FKTN: variants seen among roughly 807,000 people sequenced by gnomAD.
The protein encoded by FKTN is ribitol-5-phosphate transferase FKTN.
Under a neutral mutation model 58.6 loss-of-function variants are expected in FKTN, and 47 were observed. The observed-to-expected ratio is 0.80, with a 90% CI of 0.63 to 1.02. The LOEUF is 1.02. Among genes scored for constraint, FKTN ranks in the 50% least tolerant of loss-of-function variants. The pLI is 0.00. For missense variants in FKTN, 516 were observed against 537.3 expected (o/e 0.96, Z 0.39); for synonymous variants, 178 against 191.9 (o/e 0.93, Z 0.60).
intron 3 of FKTN, among the ~76,000 whole-genome samples, chr9:105,590,728 G>A (rs973611862): frequency 1.3e-5 from 2 of 152,144 alleles, no homozygotes; most frequent in Non-Finnish European, 2.9e-5. Context: ...TTTTTTGTAC[G>A]TGTTAAGTTT....
At chr9:105,599,849 G>C (rs542566521) in intron 4 of FKTN, among the ~76,000 whole-genome samples, 7 of 152,104 alleles carry the variant, frequency 4.6e-5, no homozygotes, top group African/African-American at 1.4e-4. Flanking sequence ...ATTTTCTCCT[G>C]CTCCATTTTC....
At chr9:105,619,170 A>G (rs1054733567) in intron 9 of FKTN, among the ~76,000 whole-genome samples, 3 of 152,202 alleles carry the variant, frequency 2.0e-5, no homozygotes, top group African/African-American at 7.2e-5. Flanking sequence ...TCAAAGTCAA[A>G]TAACAGAGCT....
At chr9:105,582,907 T>C (rs1296968972) in intron 3 of FKTN, among the ~76,000 whole-genome samples, 1 of 152,176 alleles carries the variant, frequency 6.6e-6, no homozygotes, top group East Asian at 1.9e-4. Flanking sequence ...CTTAAACAAA[T>C]AGAGGAATTA....
chr9:105,633,242 G>A (rs1457293003), intron 10 of FKTN: 8 of 152,170 alleles, frequency 5.3e-5, no homozygotes. Context: ...TATTTAAAAT[G>A]TTTTGGCTTT....
At chr9:105,622,221 T>C (rs1199242668) in intron 10 of FKTN, among the ~76,000 whole-genome samples, 1 of 152,080 alleles carries the variant, frequency 6.6e-6, no homozygotes, top group Non-Finnish European at 1.5e-5. Flanking sequence ...GTCAGTATAA[T>C]GTATCATCTC....
At position 105,615,318 on chromosome 9, in the gene FKTN, G is replaced by C. The variant is rs767503045; in HGVS notation, c.821G>C (p.Arg274Pro). 2 of 1,613,774 alleles carry C rather than the reference G, an allele frequency of 1.2e-6. No individual in the cohort carries two copies. The highest frequency in any genetic ancestry group is 4.5e-5 in the East Asian group (2 of 44,874). Residue 274 changes from arginine (R) to proline (P), a missense_variant, in exon 8 of 11, where the codon CGG becomes CCG. Arg to Pro is a moderately radical substitution (Grantham distance 103, BLOSUM62 -2). Coordinates refer to ENST00000357998, the MANE Select transcript of FKTN (RefSeq NM_001079802.2). ...AACACTGTGGAAGCTGTGGCCTTTCGGAAGAGTGCAAAGGAATTACTGCAA... is the reference window on the plus strand; with the variant it reads ...AACACTGTGGAAGCTGTGGCCTTTCCGAAGAGTGCAAAGGAATTACTGCAA... The part of the protein sequence containing the change: ...DDNTVEAVAF[R>P]KSAKELLQLA...
chr9:105,567,455 G>A (rs989127757), intron 1 of FKTN, among the ~76,000 whole-genome samples: 44 of 152,254 alleles, frequency 2.9e-4, no homozygotes, highest in African/African-American at 8.9e-4. Context: ...CAAAGTCTCA[G>A]GATACAAAAT....
chr9:105,627,068 G>T (rs576037876), intron 10 of FKTN, among the ~76,000 whole-genome samples: 1 of 150,620 alleles, frequency 6.6e-6, no homozygotes, highest in Non-Finnish European at 1.5e-5. Context: ...CACCTCCCAG[G>T]TTCAAGCAGT....
At chr9:105,613,403 A>C (rs541597370) in intron 7 of FKTN, among the ~76,000 whole-genome samples, 1 of 152,364 alleles carries the variant, frequency 6.6e-6, no homozygotes, top group African/African-American at 2.4e-5. Flanking sequence ...ACTTATCTGC[A>C]AGAAATTCTT....
rs1359728513 is a variant in FKTN at position 105,640,624 on chromosome 9, CT to C, written c.*5361del. 2.6e-5 allele frequency: 4 copies of C among 152,298 alleles called. No homozygotes were observed. The highest frequency in any genetic ancestry group is 9.7e-5 in the African/African-American group (4 of 41,400). The allele number at this position is 152,298 out of a possible 1,614,324, so 9.4% of individuals were successfully genotyped here. The stretch of plus-strand genomic sequence containing the variant: ...CAAAACTTCTACCCTAGAATACCCC[CT>C]GGCACCTTCTAACCCAACCTAATAC... On this transcript the variant is annotated 3_prime_UTR_variant, in exon 11 of 11. Coordinates refer to ENST00000357998, the MANE Select transcript of FKTN (RefSeq NM_001079802.2).
In FKTN at chr9:105,636,808, T is replaced by C; in HGVS notation, c.*1544T>C. ...CTGAATGTCTGAGGGAATGGGCTGGTAGACTTTTTCGAAAACAAATTAGAG... is the reference window on the plus strand; with the variant it reads ...CTGAATGTCTGAGGGAATGGGCTGGCAGACTTTTTCGAAAACAAATTAGAG... On this transcript the variant is annotated 3_prime_UTR_variant, in exon 11 of 11. Coordinates refer to ENST00000357998, the MANE Select transcript of FKTN (RefSeq NM_001079802.2). 8.2e-7 allele frequency: 1 copy of C among 1,224,922 alleles called. No individual in the cohort carries two copies. 75.9% of individuals were successfully genotyped at this position (1,224,922 alleles called of 1,614,324 possible). A position where few individuals can be genotyped will look rare whatever the true frequency, so the allele number is the denominator to read the frequency against.
At chr9:105,620,438 T>C (rs1364634586) in intron 10 of FKTN, among the ~76,000 whole-genome samples, 1 of 152,170 alleles carries the variant, frequency 6.6e-6, no homozygotes, top group Admixed American at 6.6e-5. Flanking sequence ...ATTTTATCCA[T>C]TACATTGAGT....
At chr9:105,575,339 T>A (rs1483511764) in intron 3 of FKTN, among the ~76,000 whole-genome samples, 1 of 152,252 alleles carries the variant, frequency 6.6e-6, no homozygotes, top group Non-Finnish European at 1.5e-5. Flanking sequence ...CAAGGATGTT[T>A]AATCTATTGG....
chr9:105,577,172 A>T (rs1841894190), intron 3 of FKTN, among the ~76,000 whole-genome samples: 1 of 150,352 alleles, frequency 6.7e-6, no homozygotes, highest in East Asian at 1.9e-4. Context: ...CTTTATTTTA[A>T]TTAGATCCCA....
intron 1 of FKTN, 33 bp downstream of exon 1, chr9:105,558,198 G>A (rs1376384439): frequency 1.3e-5 from 2 of 152,320 alleles, no homozygotes; most frequent in African/African-American, 2.4e-5. Context: ...CGGTACCCGG[G>A]GATGGGTGGG....
chr9:105,640,870 A>G lies in FKTN; in HGVS notation c.*5606A>G, dbSNP rs1453083037. 6.6e-6 allele frequency: 1 copy of G among 152,190 alleles called. No homozygotes were observed. The highest frequency in any genetic ancestry group is 1.5e-5 in the Non-Finnish European group (1 of 68,030). 9.4% of individuals were successfully genotyped at this position (152,190 alleles called of 1,614,324 possible). ...TAGTTCATATGTTTGTTAAATGAAA[A>G]TCTTATGTAGCTATTTGTGTGTCCC... is the stretch of plus-strand genomic sequence containing the variant. On this transcript the variant is annotated 3_prime_UTR_variant, in exon 11 of 11. Coordinates refer to ENST00000357998, the MANE Select transcript of FKTN (RefSeq NM_001079802.2).
chr9:105,576,236 A>T (rs1841669215), intron 3 of FKTN, among the ~76,000 whole-genome samples: 1 of 149,168 alleles, frequency 6.7e-6, no homozygotes, highest in African/African-American at 2.5e-5. Flanking sequence ...TTACATATGT[A>T]TACATTTGCC....
chr9:105,626,594 G>C (rs1190539586), intron 10 of FKTN, among the ~76,000 whole-genome samples: 1 of 152,072 alleles, frequency 6.6e-6, no homozygotes, highest in Non-Finnish European at 1.5e-5. Context: ...TTTTCTATTG[G>C]GTTTACACAT....
chr9:105,588,661 CTT>C (rs1341648584), intron 3 of FKTN, among the ~76,000 whole-genome samples: 1 of 152,180 alleles, frequency 6.6e-6, no homozygotes, highest in Admixed American at 6.5e-5. Context: ...CCTTTGTAAT[CTT>C]TCTTCTGTAC....
Sources: allele counts gnomAD v4.1 joint callset (sites outside exome capture counted in the v4.1 genomes callset), GRCh38; gene constraint gnomAD v4.1.1; transcripts MANE v1.5; gene names NCBI Gene and HGNC (gene_info 2026-07-23, HGNC 2026-07-21).